Variants in FBN1 observed in about 807,000 individuals in gnomAD.
FBN1 encodes the protein fibrillin-1.
FBN1 carries 29 observed loss-of-function variants against 365.1 expected under a neutral mutation model. The observed-to-expected ratio is 0.08, with a 90% CI of 0.06 to 0.11. FBN1 has a LOEUF of 0.11. FBN1 is among the 10% of genes least tolerant of loss of function. FBN1 has a pLI of 1.00. For missense variants in FBN1, 2,476 were observed against 3,703.2 expected (o/e 0.67, Z 8.60); for synonymous variants, 1,210 against 1,270.5 (o/e 0.95, Z 1.01).
At chr15:48,468,183 G>T (rs1488617811) in intron 37 of FBN1, 81 bp from the exon 38 acceptor site, 1 of 1,549,902 alleles carries the variant, frequency 6.5e-7, no homozygotes, top group South Asian at 1.1e-5. Context: ...TTCAGGAACT[G>T]TTCAAAAACC....
Position 48,411,072 on chromosome 15 carries a change from A to C in FBN1, c.8534T>G (p.Leu2845Arg). The change falls in exon 66 of 66, where the codon CTA (leucine) becomes CGA (arginine). Residue 2845 changes from leucine (L) to arginine (R), a missense_variant. Physicochemically the swap from Leu to Arg is moderately radical, Grantham distance 102 (BLOSUM62 -2). Transcript: ENST00000316623. ...PLYKKKELNQ[L>R]EDKYDKDYLS... ...GTAGTCTTTGTCATATTTGTCTTCT[A>C]GTTGGTTAAGTTCTTTCTTTTTATA... 2.5e-6 allele frequency: 4 copies of C among 1,613,832 alleles called. No individual in the cohort carries two copies. Among genetic ancestry groups the C allele is most frequent in the Non-Finnish European group, 3.4e-6 (4 of 1,179,870 alleles).
In FBN1 at chr15:48,421,840, T is replaced by C. The variant is rs148992960; in HGVS notation, c.7570+112A>G. On this transcript the variant is annotated intron_variant, in intron 61 of 65. Coordinates refer to ENST00000316623, the MANE Select transcript of FBN1 (RefSeq NM_000138.5). ...CAGGTGTGCTCACACATACATGCACTCATATATTTCTTTGAGCTTTTATTT... is the reference window on the plus strand; with the variant it reads ...CAGGTGTGCTCACACATACATGCACCCATATATTTCTTTGAGCTTTTATTT... 21 of 1,167,078 alleles carry C rather than the reference T, an allele frequency of 1.8e-5. No individual in the cohort carries two copies. In the East Asian group the frequency reaches 2.4e-4, roughly 13 times the overall value. The allele number at this position is 1,167,078 out of a possible 1,614,324, so 72.3% of individuals were successfully genotyped here.
intron 8 of FBN1, among the ~76,000 whole-genome samples, chr15:48,528,085 G>T (rs1165512526): frequency 1.3e-5 from 2 of 152,198 alleles, no homozygotes; most frequent in Non-Finnish European, 2.9e-5. Context: ...GTCCCTAAAA[G>T]TTAGTATCTG....
At chr15:48,422,385 T>C (rs540568043) in intron 60 of FBN1, among the ~76,000 whole-genome samples, 16 of 152,330 alleles carry the variant, frequency 1.1e-4, no homozygotes, top group African/African-American at 3.4e-4. Flanking sequence ...TTTAAACAAA[T>C]TTTTAAATGA....
rs574725449 is a variant in FBN1 at position 48,567,703 on chromosome 15, A to T, written c.538+28580T>A. The stretch of plus-strand genomic sequence containing the variant: ...ATACACCATATTAATAGAATAACAG[A>T]CAAAAACCACATGATCATCTCAATA... On this transcript the variant is annotated intron_variant, in intron 6 of 65. Coordinates refer to ENST00000316623, the MANE Select transcript of FBN1 (RefSeq NM_000138.5). Among the ~76,000 whole-genome samples, 16 of 152,328 alleles carry T rather than the reference A, an allele frequency of 1.1e-4. No individual in the cohort carries two copies. The South Asian group carries it at 3.3e-3, about 32-fold the overall frequency.
intron 5 of FBN1, among the ~76,000 whole-genome samples, chr15:48,599,034 G>C (rs1054507084): frequency 1.3e-5 from 2 of 152,118 alleles, no homozygotes; most frequent in East Asian, 3.9e-4. Flanking sequence ...CTTCCACCAT[G>C]ATTATGAAGC....
chr15:48,555,127 C>A (rs976379527), intron 6 of FBN1, among the ~76,000 whole-genome samples: 2 of 152,132 alleles, frequency 1.3e-5, no homozygotes, highest in African/African-American at 4.8e-5. Context: ...ATCTCACATA[C>A]TGTTCCTTCA....
intron 43 of FBN1, 73 bp downstream of exon 43, chr15:48,460,173 A>G (rs1434527300): frequency 8.4e-6 from 9 of 1,071,330 alleles, no homozygotes; most frequent in Admixed American, 1.7e-5. Flanking sequence ...TAAGAAAAAA[A>G]TGGGAACTGA....
In FBN1 at chr15:48,534,110, T is replaced by C. The variant is rs775505429; in HGVS notation, c.832A>G (p.Lys278Glu). The C allele has an allele frequency of 6.2e-6, 10 of 1,613,796 alleles. No individual in the cohort carries two copies. The East Asian group carries it at 1.8e-4, about 29-fold the overall frequency. Residue 278 changes from lysine to glutamate, a missense_variant, in exon 8 of 66, where the codon AAA becomes GAA. Physicochemically the swap from Lys to Glu is moderately conservative, Grantham distance 56 (BLOSUM62 1). This residue lies in a region of FBN1 where 421 missense variants were observed against 520.1 expected (regional missense o/e 0.81). Transcript: ENST00000316623. ...SFECKCPAGH[K>E]LNEVSQKCED... is the part of the protein sequence containing the mutation. ...CATTTTTGTGACACTTCATTAAGTT[T>C]GTGTCCAGCAGGGCATTTGCACTCA...
rs535950084 is a variant in FBN1, at chr15:48,440,374, G to A, written c.6163+1347C>T. Among the ~76,000 whole-genome samples the A allele has an allele frequency of 4.7e-4, 72 of 152,276 alleles. 1 individual carries two copies. Among genetic ancestry groups the A allele is most frequent in the African/African-American group, 1.3e-3 (55 of 41,562 alleles). ...CAGTGCAAATTGAATTAATAGCCTA[G>A]GAGTTTCCTCTGGCCTGCCACATCG... On this transcript the variant is annotated intron_variant, in intron 50 of 65. Transcript: ENST00000316623.
intron 4 of FBN1, among the ~76,000 whole-genome samples, chr15:48,607,421 A>G (rs2044622843): frequency 6.6e-6 from 1 of 150,438 alleles, no homozygotes; most frequent in Non-Finnish European, 1.5e-5. Context: ...CACAAAATTC[A>G]TATGTTGAAA....
At chr15:48,548,501 C>T (rs928116718) in intron 6 of FBN1, among the ~76,000 whole-genome samples, 1 of 152,190 alleles carries the variant, frequency 6.6e-6, no homozygotes, top group African/African-American at 2.4e-5. Context: ...TTAGAAACTT[C>T]CATTCTATAG....
intron 8 of FBN1, among the ~76,000 whole-genome samples, chr15:48,531,261 ATTTC>A (rs2043970468): frequency 6.6e-6 from 1 of 151,930 alleles, no homozygotes; most frequent in African/African-American, 2.4e-5. Flanking sequence ...TTTCCGTAAC[ATTTC>A]TTTTTTTTTT....
chr15:48,445,197 CAT>C (rs988204828), intron 48 of FBN1, among the ~76,000 whole-genome samples, 177 bp downstream of exon 48: 12 of 133,806 alleles, frequency 9.0e-5, no homozygotes, highest in South Asian at 7.4e-4. Context: ...TATATATATA[CAT>C]ATATATATGT....
intron 60 of FBN1, among the ~76,000 whole-genome samples, chr15:48,423,092 C>T (rs2042955454): frequency 6.6e-6 from 1 of 152,226 alleles, no homozygotes; most frequent in South Asian, 2.1e-4. Context: ...AAGTTGCATT[C>T]TCAACTCCAA....
intron 9 of FBN1, among the ~76,000 whole-genome samples, chr15:48,523,281 C>T (rs1647809081): frequency 6.6e-6 from 1 of 152,200 alleles, no homozygotes; most frequent in African/African-American, 2.4e-5. Context: ...AAAACTAGGG[C>T]CTACAGTTGC....
At position 48,495,231 on chromosome 15, in the gene FBN1, C is replaced by T; in HGVS notation, c.2569G>A (p.Val857Ile). 1 of 1,614,124 alleles carries T rather than the reference C, an allele frequency of 6.2e-7. No homozygotes were observed. Among genetic ancestry groups the T allele is most frequent in the Non-Finnish European group, 8.5e-7 (1 of 1,180,032 alleles). ...TTGATCTCACATCGCCCATCAATGA[C>T]AGTCTGCCAGCAAGTGCCCTTGATG... The part of the protein sequence containing the change: ...ETIKGTCWQT[V>I]IDGRCEININ... The change falls in exon 22 of 66, where the codon GTC (valine) becomes ATC (isoleucine). Residue 857 changes from valine to isoleucine, a missense_variant. Around this residue, in one of 5 missense-constraint regions of FBN1, gnomAD observed 1,780 missense variants for 2,840.8 expected, o/e 0.63. Coordinates refer to ENST00000316623, the MANE Select transcript of FBN1 (RefSeq NM_000138.5).
At chr15:48,609,117 G>A (rs2044637301) in intron 4 of FBN1, among the ~76,000 whole-genome samples, 1 of 152,206 alleles carries the variant, frequency 6.6e-6, no homozygotes, top group South Asian at 2.1e-4. Context: ...TTATAGAGAC[G>A]GAGATGTCCC....
intron 6 of FBN1, among the ~76,000 whole-genome samples, chr15:48,538,391 A>G (rs1033895190): frequency 2.6e-5 from 4 of 152,202 alleles, no homozygotes; most frequent in African/African-American, 9.7e-5. Flanking sequence ...CAAAACAAGC[A>G]AACCAACAAA....
Sources: gnomAD v4.1 joint callset for allele counts (sites outside exome capture counted in the v4.1 genomes callset) on GRCh38, gnomAD v4.1.1 for gene constraint, gnomAD v4.1.1 regional missense constraint, MANE v1.5 for transcripts, NCBI Gene and HGNC (gene_info 2026-07-23, HGNC 2026-07-21) for gene names.